The following TENM3 variants were observed in gnomAD, a reference collection of about 807,000 sequenced individuals.
TENM3 encodes teneurin-3.
In TENM3, 63 loss-of-function variants were observed where a neutral mutation model predicts 255.1. That is an observed-to-expected ratio of 0.25 (90% CI 0.20 to 0.30). The LOEUF (loss-of-function observed/expected upper bound fraction) is 0.30, where lower values mean the gene tolerates loss of function less well. Among genes scored for constraint, TENM3 ranks in the 10% least tolerant of loss-of-function variants. The pLI is 1.00. For missense variants in TENM3, 2,929 were observed against 3,461.1 expected (o/e 0.85, Z 3.86); for synonymous variants, 1,306 against 1,322.3 (o/e 0.99, Z 0.27).
At chr4:182,479,948 A>G (rs1280661139) in intron 3 of TENM3, among the ~76,000 whole-genome samples, 2 of 152,080 alleles carry the variant, frequency 1.3e-5, no homozygotes, top group African/African-American at 4.8e-5. Context: ...CTGCACGTTT[A>G]GAAAATAAAT....
At chr4:181,808,008 G>A in the TENM3 span, among the ~76,000 whole-genome samples, 1 of 152,182 alleles carries the variant, frequency 6.6e-6, no homozygotes, top group Non-Finnish European at 1.5e-5. Flanking sequence ...TCTAGGTGTA[G>A]CATTTCCCAT....
chr4:181,996,525 C>A, the TENM3 span, among the ~76,000 whole-genome samples: 1 of 152,158 alleles, frequency 6.6e-6, no homozygotes, highest in Non-Finnish European at 1.5e-5. Flanking sequence ...ATAGAGAGAA[C>A]CAGGAACCAG....
chr4:182,182,291 C>A (rs1752891545), intron 1 of TENM3, among the ~76,000 whole-genome samples: 1 of 152,148 alleles, frequency 6.6e-6, no homozygotes, highest in African/African-American at 2.4e-5. Flanking sequence ...GGTGAATGAA[C>A]TACCGCCTAT....
At chr4:181,644,372 G>A in the TENM3 span, among the ~76,000 whole-genome samples, 1 of 151,770 alleles carries the variant, frequency 6.6e-6, no homozygotes, top group Admixed American at 6.6e-5. Flanking sequence ...GATACTCAGT[G>A]GGCCCACATT....
At chr4:182,307,010 C>A (rs1762175035) in intron 1 of TENM3, among the ~76,000 whole-genome samples, 2 of 152,230 alleles carry the variant, frequency 1.3e-5, no homozygotes. Context: ...TTCCACATTA[C>A]ACGTTTACTA....
At chr4:181,576,572 C>T in the TENM3 span, among the ~76,000 whole-genome samples, 1 of 152,082 alleles carries the variant, frequency 6.6e-6, no homozygotes, top group East Asian at 1.9e-4. Flanking sequence ...GAGAAAAGGG[C>T]TAAGGCTTCT....
At chr4:182,622,380 C>G (rs542362194) in intron 4 of TENM3, among the ~76,000 whole-genome samples, 4 of 152,278 alleles carry the variant, frequency 2.6e-5, no homozygotes, top group Admixed American at 6.5e-5. Context: ...TTCATAGCAA[C>G]TCAAGCCCTT....
chr4:182,362,218 G>T (rs1019922640), intron 3 of TENM3, among the ~76,000 whole-genome samples: 2 of 152,116 alleles, frequency 1.3e-5, no homozygotes, highest in Non-Finnish European at 2.9e-5. Context: ...ATCTCCAGCT[G>T]CATGCTGGGA....
At chr4:182,383,448 G>C (rs905355625) in intron 3 of TENM3, among the ~76,000 whole-genome samples, 1 of 151,954 alleles carries the variant, frequency 6.6e-6, no homozygotes, top group Non-Finnish European at 1.5e-5. Context: ...ACAAGCAGCA[G>C]TTGTTTTAAA....
chr4:182,087,689 C>G, the TENM3 span, among the ~76,000 whole-genome samples: 1 of 151,750 alleles, frequency 6.6e-6, no homozygotes, highest in Non-Finnish European at 1.5e-5. Flanking sequence ...CAGAATCGCT[C>G]TCCATTCGGG....
At chr4:182,086,441 GC>G in the TENM3 span, among the ~76,000 whole-genome samples, 1 of 152,170 alleles carries the variant, frequency 6.6e-6, no homozygotes, top group Non-Finnish European at 1.5e-5. Flanking sequence ...GTCTTTTCTT[GC>G]CACGTGTATC....
At chr4:182,182,458 G>A (rs1752902262) in intron 1 of TENM3, among the ~76,000 whole-genome samples, 1 of 152,204 alleles carries the variant, frequency 6.6e-6, no homozygotes, top group African/African-American at 2.4e-5. Context: ...GGTCCAGGAG[G>A]TAAGATAAGG....
the TENM3 span, among the ~76,000 whole-genome samples, chr4:181,551,980 T>G: frequency 6.6e-6 from 1 of 151,742 alleles, no homozygotes; most frequent in African/African-American, 2.4e-5. Flanking sequence ...TAGTTCTTGG[T>G]TCAAAAGATT....
At chr4:182,346,442 T>C (rs538763884) in intron 2 of TENM3, among the ~76,000 whole-genome samples, 2 of 152,154 alleles carry the variant, frequency 1.3e-5, no homozygotes, top group Admixed American at 1.3e-4. Context: ...ACAAAGGAGC[T>C]CTAAGTTGGG....
At chr4:182,781,203 T>C (rs1275740330) in intron 24 of TENM3, among the ~76,000 whole-genome samples, 1 of 151,296 alleles carries the variant, frequency 6.6e-6, no homozygotes, top group African/African-American at 2.4e-5. Context: ...TTGTCATAGA[T>C]AGCTCTTATT....
intron 5 of TENM3, among the ~76,000 whole-genome samples, chr4:182,642,385 T>G (rs1258855656): frequency 6.6e-6 from 1 of 152,226 alleles, no homozygotes; most frequent in Non-Finnish European, 1.5e-5. Flanking sequence ...AATTAGCATT[T>G]CCTGAGCCGC....
At chr4:181,507,737 T>C in the TENM3 span, among the ~76,000 whole-genome samples, 5 of 152,238 alleles carry the variant, frequency 3.3e-5, no homozygotes, top group Non-Finnish European at 7.3e-5. Flanking sequence ...CTCAAATCGA[T>C]TGTTTTATCA....
At chr4:181,602,947 C>G in the TENM3 span, among the ~76,000 whole-genome samples, 1 of 152,074 alleles carries the variant, frequency 6.6e-6, no homozygotes, top group Non-Finnish European at 1.5e-5. Flanking sequence ...ACAATAGGAC[C>G]AATCAGTGGT....
At chr4:181,900,407 T>C in the TENM3 span, among the ~76,000 whole-genome samples, 1 of 152,198 alleles carries the variant, frequency 6.6e-6, no homozygotes, top group Non-Finnish European at 1.5e-5. Flanking sequence ...TAATATTAGT[T>C]GAAAATCAGT....
Sources: allele counts gnomAD v4.1 joint callset (sites outside exome capture counted in the v4.1 genomes callset), GRCh38; gene constraint gnomAD v4.1.1; transcripts MANE v1.5; gene names NCBI Gene and HGNC (gene_info 2026-07-23, HGNC 2026-07-21).